TMEM40: variants seen among roughly 807,000 people sequenced by gnomAD.
TMEM40 encodes the protein transmembrane protein 40.
Under a neutral mutation model 40.8 loss-of-function variants are expected in TMEM40, and 34 were observed. That is an observed-to-expected ratio of 0.83 (90% CI 0.63 to 1.11). The LOEUF (loss-of-function observed/expected upper bound fraction) is 1.11. Among genes scored for constraint, TMEM40 ranks in the 50% least tolerant of loss-of-function variants. The pLI is 0.00. For missense variants in TMEM40, 296 were observed against 280.2 expected, an observed-to-expected ratio of 1.06 and a Z score of -0.40; for synonymous variants, 106 against 107.0, an observed-to-expected ratio of 0.99 and a Z score of 0.06.
At chr3:12,763,207 G>C (rs927874534), upstream of TMEM40, among the ~76,000 whole-genome samples, 9 of 150,094 alleles carry the variant, frequency 6.0e-5, no homozygotes, top group Middle Eastern at 7.0e-3. Context: ...GCACATAGTA[G>C]GTGCTCCAAA....
intron 1 of TMEM40, among the ~76,000 whole-genome samples, chr3:12,753,484 G>A (rs541369393): frequency 6.6e-5 from 10 of 151,930 alleles, no homozygotes; most frequent in East Asian, 3.9e-4. Flanking sequence ...TTGGTCTCCC[G>A]AAGTGCTGAC....
chr3:12,756,381 T>C (rs762032911), intron 1 of TMEM40, among the ~76,000 whole-genome samples: 4 of 152,114 alleles, frequency 2.6e-5, no homozygotes, highest in Admixed American at 6.6e-5. Flanking sequence ...CTTGAGAAGA[T>C]TGTGCAATCA....
intron 5 of TMEM40, among the ~76,000 whole-genome samples, chr3:12,739,545 AAGTGCTGGGATTACAGGCATG>A (rs1325644245): frequency 6.6e-6 from 1 of 151,730 alleles, no homozygotes; most frequent in Non-Finnish European, 1.5e-5. Context: ...CAGCCTCCCA[AAGTGCTGGGATTACAGGCATG>A]AGCCACCATG....
upstream of TMEM40, among the ~76,000 whole-genome samples, chr3:12,764,178 T>C (rs2106624696): frequency 6.6e-6 from 1 of 152,214 alleles, no homozygotes; most frequent in African/African-American, 2.4e-5. Context: ...CCTCCCAAAG[T>C]GTTGGTATTA....
At chr3:12,763,525 G>A (rs1037720940), upstream of TMEM40, among the ~76,000 whole-genome samples, 5 of 152,098 alleles carry the variant, frequency 3.3e-5, no homozygotes, top group African/African-American at 7.2e-5. Context: ...CTGACAGCCC[G>A]GGGGAGCCAG....
intron 3 of TMEM40, among the ~76,000 whole-genome samples, chr3:12,747,228 A>G (rs1255391670): frequency 6.6e-6 from 1 of 151,816 alleles, no homozygotes; most frequent in Non-Finnish European, 1.5e-5. Context: ...CTTTCATTAA[A>G]TAAAGTCTTA....
In TMEM40 at chr3:12,768,145, C is replaced by T. The variant is rs540259808; in HGVS notation, c.-9+1106G>A. Among the ~76,000 whole-genome samples, 14 of 152,266 alleles carry T rather than the reference C, an allele frequency of 9.2e-5. No homozygotes were observed. In the South Asian group the frequency reaches 1.9e-3, roughly 20 times the overall value. On this transcript the variant is annotated intron_variant, in intron 1 of 11. Coordinates refer to the TMEM40 transcript ENST00000264728. ...GCTCAGGAATGAAGCTGCAGACCTT[C>T]GCGGTGAGTGTTATAGCTCTTAAGG...
chr3:12,734,477 A>C lies in TMEM40; in HGVS notation c.*297T>G, dbSNP rs2061323845. On this transcript the variant is annotated 3_prime_UTR_variant, in exon 12 of 12. Coordinates refer to ENST00000314124, the MANE Select transcript of TMEM40 (RefSeq NM_018306.4). ...GCTCAGGGTCCCTTGCTGTCCTCTGAGAGCAGTGACCTCCCAGAATCTTCC... is the reference window on the plus strand; with the variant it reads ...GCTCAGGGTCCCTTGCTGTCCTCTGCGAGCAGTGACCTCCCAGAATCTTCC... 15 of 436,984 alleles carry C rather than the reference A, an allele frequency of 3.4e-5. No homozygotes were observed. The allele number at this position is 436,984 out of a possible 1,614,324, so 27.1% of individuals were successfully genotyped here.
intron 1 of TMEM40, 126 bp from the exon 2 acceptor site, chr3:12,749,966 A>C: frequency 1.0e-6 from 1 of 979,608 alleles, no homozygotes; most frequent in Non-Finnish European, 1.5e-6. Context: ...AAAATAATTA[A>C]CAAAAAAAAT....
At chr3:12,747,994 T>G (rs1323905375) in intron 3 of TMEM40, among the ~76,000 whole-genome samples, 3 of 151,086 alleles carry the variant, frequency 2.0e-5, no homozygotes, top group African/African-American at 7.3e-5. Context: ...GACTCAATAC[T>G]TAGGAATGAT....
In TMEM40 at chr3:12,754,990, TTC is replaced by T. The variant is rs2061508016; in HGVS notation, c.-9+4199_-9+4200del. ...TTCTCTTTTTTCTTTCCTTTTCTTT[TTC>T]TCTTTCTTTCTCTTCCTTCCTCTCT... On this transcript the variant is annotated intron_variant, in intron 1 of 11. Transcript: ENST00000314124. Among the ~76,000 whole-genome samples the T allele has an allele frequency of 2.6e-5, 4 of 151,286 alleles. No homozygotes were observed. The South Asian group carries it at 6.3e-4, about 24-fold the overall frequency.
chr3:12,758,000 G>A (rs1461532736), intron 1 of TMEM40, among the ~76,000 whole-genome samples: 2 of 151,760 alleles, frequency 1.3e-5, no homozygotes, highest in African/African-American at 4.8e-5. Flanking sequence ...ATGGCGCCTG[G>A]CCCTGAATTA....
chr3:12,737,769 A>T lies in TMEM40; in HGVS notation c.425-15T>A. The T allele has an allele frequency of 6.2e-7, 1 of 1,612,802 alleles. No homozygotes were observed. ...CTCCACTTCTCCTTAAGAACAAGAG[A>T]GAGATGAATATTTAACTTTGATGCA... is the stretch of plus-strand genomic sequence containing the variant. On this transcript the variant is annotated splice_polypyrimidine_tract_variant and intron_variant, in intron 7 of 11. Coordinates refer to ENST00000314124, the MANE Select transcript of TMEM40 (RefSeq NM_018306.4).
chr3:12,738,102 G>C (rs771244338), intron 7 of TMEM40, 34 bp downstream of exon 7: 1 of 1,612,500 alleles, frequency 6.2e-7, no homozygotes, highest in South Asian at 1.1e-5. Context: ...ATCCACACCC[G>C]CTCTGGCTCT....
At chr3:12,742,949 G>T (rs1575734335) in intron 4 of TMEM40, among the ~76,000 whole-genome samples, 1 of 152,194 alleles carries the variant, frequency 6.6e-6, no homozygotes, top group South Asian at 2.1e-4. Context: ...CCAGCAAGTG[G>T]CAACTCTACC....
chr3:12,755,218 TCTCTC>T (rs2061513265), intron 1 of TMEM40, among the ~76,000 whole-genome samples: 1 of 76,838 alleles, frequency 1.3e-5, no homozygotes, highest in Non-Finnish European at 2.5e-5. Context: ...TTTCTTTCTC[TCTCTC>T]TCTCTCTCTC....
chr3:12,756,408 C>T (rs1489473834), intron 1 of TMEM40, among the ~76,000 whole-genome samples: 2 of 152,142 alleles, frequency 1.3e-5, no homozygotes, highest in Non-Finnish European at 2.9e-5. Flanking sequence ...TAGATGAGTG[C>T]TGCTCTAGAT....
intron 5 of TMEM40, chr3:12,739,092 GC>G (rs1433724991): frequency 1.3e-5 from 2 of 159,090 alleles, no homozygotes; most frequent in Non-Finnish European, 2.8e-5. Context: ...GACAGAGGCT[GC>G]AGTGAGCCAA....
intron 1 of TMEM40, among the ~76,000 whole-genome samples, chr3:12,768,754 C>A (rs1042732043): frequency 6.6e-6 from 1 of 152,118 alleles, no homozygotes; most frequent in Non-Finnish European, 1.5e-5. Context: ...CACCGGGGGC[C>A]GCAGGTGGAG....
Sources: gnomAD v4.1 joint callset for allele counts (sites outside exome capture counted in the v4.1 genomes callset) on GRCh38, gnomAD v4.1.1 for gene constraint, MANE v1.5 for transcripts, NCBI Gene and HGNC (gene_info 2026-07-23, HGNC 2026-07-21) for gene names.